The following USP47 variants were observed in gnomAD, a reference collection of about 807,000 sequenced individuals.
The protein encoded by USP47 is ubiquitin specific peptidase 47, also known as ubiquitin carboxyl-terminal hydrolase 47.
A neutral mutation model predicts 165.1 loss-of-function variants in USP47; 35 were observed. The ratio of observed to expected loss-of-function variants is 0.21; its 90% CI spans 0.16 to 0.28. The LOEUF is 0.28. Ranked by LOEUF, USP47 falls within the 10% of genes least tolerant of loss-of-function variation. The pLI is 1.00. For synonymous variants in USP47, 531 were observed against 544.5 expected, an observed-to-expected ratio of 0.98 and a Z score of 0.35; for missense variants, 1,277 against 1,607.4, an observed-to-expected ratio of 0.79 and a Z score of 3.52.
intron 1 of USP47, among the ~76,000 whole-genome samples, chr11:11,877,351 T>C (rs576085213): frequency 6.6e-6 from 1 of 152,298 alleles, no homozygotes; most frequent in South Asian, 2.1e-4. Flanking sequence ...GAAATAAGAA[T>C]GGGCCCAGAA....
Position 11,902,760 on chromosome 11 carries a change from A to G in USP47, c.639A>G (p.Pro213=), listed in dbSNP as rs376819081. ...AAGAAGATCCAGTGACAAGTATTCC[A>G]TACCAACTTCAAAGGCTTTTTGTTT... ...ESEEDPVTSI[P]YQLQRLFVLL... Residue 213 remains proline, a synonymous_variant, in exon 6 of 28, where the codon CCA becomes CCG. Transcript: ENST00000527733. 1 of 1,599,476 alleles carries G rather than the reference A, an allele frequency of 6.3e-7. No homozygotes were observed. The highest frequency in any genetic ancestry group is 8.5e-7 in the Non-Finnish European group (1 of 1,172,146).
chr11:11,871,497 C>G, intron 1 of USP47, among the ~76,000 whole-genome samples: 1 of 69,042 alleles, frequency 1.4e-5, no homozygotes, highest in Non-Finnish European at 2.7e-5. Context: ...GCGAAACTCC[C>G]TCTCAAAAAA....
At chr11:11,852,374 A>G (rs1270261227) in intron 1 of USP47, among the ~76,000 whole-genome samples, 2 of 151,736 alleles carry the variant, frequency 1.3e-5, no homozygotes, top group East Asian at 1.9e-4. Flanking sequence ...ATCCAATTCT[A>G]TATCATTTAT....
intron 11 of USP47, among the ~76,000 whole-genome samples, chr11:11,927,417 C>G (rs1854330668): frequency 6.6e-6 from 1 of 152,078 alleles, no homozygotes; most frequent in African/African-American, 2.4e-5. Flanking sequence ...AACACATTCA[C>G]TCTGGTTGTT....
At chr11:11,910,482 T>A (rs1244904283) in intron 8 of USP47, among the ~76,000 whole-genome samples, 1 of 152,078 alleles carries the variant, frequency 6.6e-6, no homozygotes, top group African/African-American at 2.4e-5. Flanking sequence ...TACATCAACT[T>A]GTGCCTGCCA....
chr11:11,853,319 A>G (rs1207742256), intron 1 of USP47, among the ~76,000 whole-genome samples: 10 of 152,250 alleles, frequency 6.6e-5, no homozygotes, highest in Admixed American at 4.6e-4. Context: ...CAGTTCAGGC[A>G]GCATGTGTAG....
chr11:11,886,048 TAAC>T (rs1441469972), intron 3 of USP47, among the ~76,000 whole-genome samples: 6 of 151,810 alleles, frequency 4.0e-5, no homozygotes, highest in Non-Finnish European at 8.8e-5. Flanking sequence ...CAGAAAATAA[TAAC>T]AATAATATCA....
At chr11:11,861,125 C>T (rs1590241398) in intron 1 of USP47, among the ~76,000 whole-genome samples, 1 of 152,000 alleles carries the variant, frequency 6.6e-6, no homozygotes, top group East Asian at 1.9e-4. Flanking sequence ...GACGGAGTCC[C>T]GCTCTGTCGC....
At chr11:11,847,292 G>C (rs905897238) in intron 1 of USP47, among the ~76,000 whole-genome samples, 2 of 127,060 alleles carry the variant, frequency 1.6e-5, no homozygotes, top group African/African-American at 6.0e-5. Context: ...TTTTTTTTTT[G>C]TGCTCACAGT....
chr11:11,961,167 C>A lies in USP47; in HGVS notation c.*4992C>A, dbSNP rs1045599175. Among the ~76,000 whole-genome samples, 12 of 152,190 alleles carry A rather than the reference C, an allele frequency of 7.9e-5. No homozygotes were observed. Among genetic ancestry groups the A allele is most frequent in the African/African-American group, 2.7e-4 (11 of 41,434 alleles). The stretch of plus-strand genomic sequence containing the variant: ...GACTCTTTCTGTGGTAGGGCCACAT[C>A]CTAAACCCTGTATCCTGTGATTATT... On this transcript the variant is annotated 3_prime_UTR_variant, in exon 28 of 28. Coordinates refer to ENST00000527733, the MANE Select transcript of USP47 (RefSeq NM_001282659.2).
intron 1 of USP47, among the ~76,000 whole-genome samples, chr11:11,871,737 C>T (rs1212040643): frequency 1.3e-5 from 2 of 151,988 alleles, no homozygotes; most frequent in Non-Finnish European, 2.9e-5. Context: ...TCCTGCCCTG[C>T]GAGTTGTAGC....
At chr11:11,864,366 G>A (rs12275762) in intron 1 of USP47, among the ~76,000 whole-genome samples, 4,622 of 151,964 alleles carry the variant, frequency 0.03, 213 homozygotes, top group African/African-American at 0.11. Context: ...TTTTTAAATT[G>A]TAAAATACAC....
chr11:11,880,223 A>G lies in USP47; in HGVS notation c.86A>G (p.Asp29Gly). 8 of 1,467,460 alleles carry G rather than the reference A, an allele frequency of 5.5e-6. No individual in the cohort carries two copies. The highest frequency in any genetic ancestry group is 7.1e-6 in the Non-Finnish European group (8 of 1,121,272). The allele number at this position is 1,467,460 out of a possible 1,614,324, so 90.9% of individuals were successfully genotyped here. A position where few individuals can be genotyped will look rare whatever the true frequency, so the allele number is the denominator to read the frequency against. The part of the protein sequence containing the change: ...EEPRVLCIIQ[D>G]TTNSKTVNER... ...CCTAGAGTCTTATGTATTATACAAG[A>G]TACTACTAATTCAAAGACAGTGAAT... The change falls in exon 2 of 28, where the codon GAT (aspartate) becomes GGT (glycine). Residue 29 changes from aspartate (D) to glycine (G), a missense_variant. Asp to Gly is a moderately conservative substitution (Grantham distance 94, BLOSUM62 -1). This residue lies in a region of USP47 where 181 missense variants were observed against 194.7 expected (regional missense o/e 0.93). Coordinates refer to ENST00000527733, the MANE Select transcript of USP47 (RefSeq NM_001282659.2).
intron 1 of USP47, among the ~76,000 whole-genome samples, chr11:11,858,086 G>C (rs548405550): frequency 5.3e-5 from 8 of 152,260 alleles, no homozygotes; most frequent in African/African-American, 1.7e-4. Context: ...CTGTATCCAG[G>C]CCCTTTAGCC....
intron 4 of USP47, among the ~76,000 whole-genome samples, chr11:11,894,902 T>G (rs886918762): frequency 6.7e-6 from 1 of 149,714 alleles, no homozygotes; most frequent in Non-Finnish European, 1.5e-5. Context: ...CATATTTTTA[T>G]CTTATCTTTC....
chr11:11,861,183 CT>C (rs1849361203), intron 1 of USP47, among the ~76,000 whole-genome samples: 1 of 152,152 alleles, frequency 6.6e-6, no homozygotes. Flanking sequence ...CAGCCTCTGC[CT>C]CCCAGATTCA....
In USP47 at chr11:11,948,490, C is replaced by A; in HGVS notation, c.3280C>A (p.Leu1094Met). 2 of 1,612,364 alleles carry A rather than the reference C, an allele frequency of 1.2e-6. No individual in the cohort carries two copies. Among genetic ancestry groups the A allele is most frequent in the Non-Finnish European group, 1.7e-6 (2 of 1,178,766 alleles). ...FSDDNKITIR[L>M]GRALKKGEYR... ...TTTTAACTTATAGATTACAATTAGACTGGGGAGAGCACTTAAAAAAGGAGA... is the reference window on the plus strand; with the variant it reads ...TTTTAACTTATAGATTACAATTAGAATGGGGAGAGCACTTAAAAAAGGAGA... The change falls in exon 22 of 28, where the codon CTG becomes ATG. Residue 1094 changes from leucine to methionine, a missense_variant. Coordinates refer to ENST00000527733, the MANE Select transcript of USP47 (RefSeq NM_001282659.2).
chr11:11,895,007 T>C (rs987040801), intron 4 of USP47, among the ~76,000 whole-genome samples: 3 of 152,136 alleles, frequency 2.0e-5, no homozygotes, highest in African/African-American at 7.2e-5. Flanking sequence ...TTTTTTAATG[T>C]TATTAAATAG....
Position 11,897,679 on chromosome 11 carries a change from G to A in USP47, c.579G>A (p.Arg193=). 2 of 1,608,038 alleles carry A rather than the reference G, an allele frequency of 1.2e-6. No homozygotes were observed. Among genetic ancestry groups the A allele is most frequent in the Non-Finnish European group, 1.7e-6 (2 of 1,176,564 alleles). Residue 193 remains arginine (R), a synonymous_variant, in exon 5 of 28, where the codon AGG becomes AGA. Transcript: ENST00000527733. ...LQTLFMTPEF[R]NALYKWEFEE... ...CACTTTTTATGACTCCTGAATTTAG[G>A]AATGCATTATATAAGTGAGTATTCA...
Sources: gnomAD v4.1 joint callset for allele counts (sites outside exome capture counted in the v4.1 genomes callset) on GRCh38, gnomAD v4.1.1 for gene constraint, gnomAD v4.1.1 regional missense constraint, MANE v1.5 for transcripts, NCBI Gene and HGNC (gene_info 2026-07-23, HGNC 2026-07-21) for gene names.